RGS18: variants seen among roughly 807,000 people sequenced by gnomAD.
RGS18 encodes regulator of G protein signaling 18.
In RGS18, 22 loss-of-function variants were observed where a neutral mutation model predicts 27.6. That is an observed-to-expected ratio of 0.80 (90% CI 0.57 to 1.14). RGS18 has a LOEUF of 1.14. RGS18 is among the 50% of genes most tolerant of loss of function. The pLI is 0.00. For synonymous variants in RGS18, 89 were observed against 84.6 expected (o/e 1.05, Z -0.29); for missense variants, 299 against 269.6 (o/e 1.11, Z -0.76).
intron 3 of RGS18, among the ~76,000 whole-genome samples, chr1:192,176,816 A>T (rs1228110690): frequency 3.3e-5 from 5 of 151,792 alleles, no homozygotes; most frequent in African/African-American, 1.2e-4. Context: ...GGAATACATT[A>T]TATGTTTCAA....
rs150767336 is a variant in RGS18, at chr1:192,163,905, T to TAC, written c.283+3479_283+3480dup. Among the ~76,000 whole-genome samples the TAC allele has an allele frequency of 5.6e-4, 85 of 150,494 alleles. 1 individual carries two copies. The highest frequency in any genetic ancestry group is 1.2e-3 in the African/African-American group (51 of 41,144). ...TTCTTTTTTTTAAAGAGAAAGATCC[T>TAC]ACACACACACACACTTCAAGAAAGA... On this transcript the variant is annotated intron_variant, in intron 3 of 4. Coordinates refer to ENST00000367460, the MANE Select transcript of RGS18 (RefSeq NM_130782.3).
intron 3 of RGS18, among the ~76,000 whole-genome samples, chr1:192,176,387 C>T (rs1172456048): frequency 1.3e-5 from 2 of 151,824 alleles, no homozygotes; most frequent in South Asian, 2.1e-4. Flanking sequence ...CATCTTCATG[C>T]GTACCAGTCT....
At position 192,159,450 on chromosome 1, in the gene RGS18, A is replaced by G; in HGVS notation, c.221+129A>G. On this transcript the variant is annotated intron_variant, in intron 2 of 4. Transcript: ENST00000367460. ...CAATATAAGGAAAGTTAGAAATTTC[A>G]TTTGAAGAGACTAGAAATATTTCAT... 1.4e-5 allele frequency: 9 copies of G among 649,424 alleles called. 1 individual carries two copies. The South Asian group carries it at 1.7e-4, about 12-fold the overall frequency. 40.2% of individuals were successfully genotyped at this position (649,424 alleles called of 1,614,324 possible). A position where few individuals can be genotyped will look rare whatever the true frequency, so the allele number is the denominator to read the frequency against.
intron 3 of RGS18, among the ~76,000 whole-genome samples, chr1:192,162,287 GGTTT>G (rs1656087425): frequency 1.3e-5 from 2 of 151,274 alleles, no homozygotes; most frequent in African/African-American, 2.4e-5. Flanking sequence ...TTGTTTTTTT[GGTTT>G]GTTTGTTGTT....
At chr1:192,173,200 T>C (rs1434404757) in intron 3 of RGS18, among the ~76,000 whole-genome samples, 1 of 151,880 alleles carries the variant, frequency 6.6e-6, no homozygotes, top group Non-Finnish European at 1.5e-5. Flanking sequence ...TTTAAAAAAA[T>C]GTGGTAATCT....
chr1:192,160,260 A>G, intron 2 of RGS18, 118 bp from the exon 3 acceptor site: 1 of 477,702 alleles, frequency 2.1e-6, no homozygotes. Context: ...TTATATTATA[A>G]TCAAAGGAGA....
At chr1:192,159,401 T>C (rs1656031287) in intron 2 of RGS18, 80 bp downstream of exon 2, 1 of 902,774 alleles carries the variant, frequency 1.1e-6, no homozygotes, top group African/African-American at 1.7e-5. Context: ...GTTAGGGATT[T>C]CTGATTTATT....
intron 3 of RGS18, among the ~76,000 whole-genome samples, chr1:192,166,670 A>G (rs1414576422): frequency 6.6e-6 from 1 of 152,192 alleles, no homozygotes; most frequent in Non-Finnish European, 1.5e-5. Flanking sequence ...AACAAAAAAG[A>G]AGGATGAGCC....
At chr1:192,179,248 T>TA (rs1324002626) in intron 3 of RGS18, among the ~76,000 whole-genome samples, 3 of 151,446 alleles carry the variant, frequency 2.0e-5, no homozygotes, top group Non-Finnish European at 4.4e-5. Context: ...ATAACTTACA[T>TA]AAGGAGAGCA....
chr1:192,169,176 T>C (rs1331977208), intron 3 of RGS18: 1 of 152,194 alleles, frequency 6.6e-6, no homozygotes, highest in East Asian at 1.9e-4. Flanking sequence ...AAAAATTTAT[T>C]ATAATTCTGA....
At position 192,171,463 on chromosome 1, in the gene RGS18, C is replaced by T. The variant is rs539492122; in HGVS notation, c.284-9829C>T. Among the ~76,000 whole-genome samples, 7 of 152,136 alleles carry T rather than the reference C, an allele frequency of 4.6e-5. 1 individual carries two copies. The South Asian group carries it at 1.5e-3, about 32-fold the overall frequency. On this transcript the variant is annotated intron_variant, in intron 3 of 4. Transcript: ENST00000367460. ...CTTGTCAAATTCTTTTTGAGCCCAA[C>T]CTTCCCTTGTCTCTCTAGTTAATTA...
chr1:192,165,787 T>G (rs1656153940), intron 3 of RGS18, among the ~76,000 whole-genome samples: 1 of 152,222 alleles, frequency 6.6e-6, no homozygotes, highest in Admixed American at 6.5e-5. Context: ...CATCAATAAT[T>G]TAAATTCTGT....
intron 4 of RGS18, among the ~76,000 whole-genome samples, chr1:192,183,273 G>A (rs1251194213): frequency 6.6e-6 from 1 of 151,506 alleles, no homozygotes; most frequent in Non-Finnish European, 1.5e-5. Flanking sequence ...ATGATACAAG[G>A]CATTAAAGAA....
chr1:192,184,501 T>C lies in RGS18; in HGVS notation c.655T>C (p.Phe219Leu). ...AAATCTTAGGAGACGATCACGCTCA[T>C]TTACCTGCAATGAATTCCAAGATGT... Reference protein sequence around the residue: ...PTNLRRRSRSFTCNEFQDVQS... With the variant: ...PTNLRRRSRSLTCNEFQDVQS... The change falls in exon 5 of 5, where the codon TTT becomes CTT. Residue 219 changes from phenylalanine to leucine, a missense_variant. Physicochemically the swap from Phe to Leu is conservative, Grantham distance 22. Coordinates refer to ENST00000367460, the MANE Select transcript of RGS18 (RefSeq NM_130782.3). The C allele has an allele frequency of 6.2e-7, 1 of 1,611,518 alleles. No homozygotes were observed. The highest frequency in any genetic ancestry group is 8.5e-7 in the Non-Finnish European group (1 of 1,178,386).
intron 4 of RGS18, 72 bp from the exon 5 acceptor site, chr1:192,184,225 T>G: frequency 7.2e-7 from 1 of 1,395,636 alleles, no homozygotes; most frequent in Non-Finnish European, 1.0e-6. Flanking sequence ...ATTGCATCAG[T>G]CCTGTGCTGT....
chr1:192,163,295 A>G (rs1316085007), intron 3 of RGS18: 1 of 152,180 alleles, frequency 6.6e-6, no homozygotes, highest in Non-Finnish European at 1.5e-5. Context: ...TTACAACTGG[A>G]TGATGATCAA....
intron 3 of RGS18, among the ~76,000 whole-genome samples, chr1:192,175,122 A>G (rs1656335540): frequency 6.6e-6 from 1 of 151,712 alleles, no homozygotes; most frequent in Non-Finnish European, 1.5e-5. Context: ...TTATTTGCTG[A>G]ATTTCAACTT....
At chr1:192,181,257 C>A (rs1025147614) in intron 3 of RGS18, 35 bp from the exon 4 acceptor site, 2 of 1,159,092 alleles carry the variant, frequency 1.7e-6, no homozygotes, top group Non-Finnish European at 1.2e-6. Context: ...AACATTAATA[C>A]CATTTTATAG....
chr1:192,176,299 A>G (rs1656356967), intron 3 of RGS18, among the ~76,000 whole-genome samples: 1 of 151,822 alleles, frequency 6.6e-6, no homozygotes, highest in Admixed American at 6.6e-5. Context: ...TGACCCACAA[A>G]TTCCAAATAC....
Sources: gnomAD v4.1 joint callset for allele counts (sites outside exome capture counted in the v4.1 genomes callset) on GRCh38, gnomAD v4.1.1 for gene constraint, MANE v1.5 for transcripts, NCBI Gene and HGNC (gene_info 2026-07-23, HGNC 2026-07-21) for gene names.